ZMIZ1: variants seen among roughly 807,000 people sequenced by gnomAD.
ZMIZ1 encodes zinc finger MIZ domain-containing protein 1.
ZMIZ1 carries 17 observed loss-of-function variants against 113.9 expected under a neutral mutation model. That is an observed-to-expected ratio of 0.15 (90% CI 0.10 to 0.22). The LOEUF (loss-of-function observed/expected upper bound fraction) is 0.22. ZMIZ1 is among the 10% of genes least tolerant of loss of function. ZMIZ1 has a pLI of 1.00. For synonymous variants in ZMIZ1, 607 were observed against 603.1 expected, an observed-to-expected ratio of 1.01 and a Z score of -0.09; for missense variants, 1,059 against 1,477.8, an observed-to-expected ratio of 0.72 and a Z score of 4.65.
At chr10:79,139,246 C>T (rs1734334033) in intron 2 of ZMIZ1, among the ~76,000 whole-genome samples, 3 of 152,222 alleles carry the variant, frequency 2.0e-5, no homozygotes, top group South Asian at 2.1e-4. Flanking sequence ...GGCTGCCGGC[C>T]GGCCGTGTGA....
chr10:79,079,280 A>G (rs704012), intron 1 of ZMIZ1, among the ~76,000 whole-genome samples: 89,509 of 152,222 alleles, frequency 0.59, 26,437 homozygotes, highest in African/African-American at 0.6. Context: ...TGTTTCACCC[A>G]TGGGGGCTGT....
At chr10:79,105,318 A>G (rs1843516612) in intron 1 of ZMIZ1, among the ~76,000 whole-genome samples, 1 of 152,210 alleles carries the variant, frequency 6.6e-6, no homozygotes, top group South Asian at 2.1e-4. Context: ...GTGCTTAGGC[A>G]AGAGACCAGG....
At chr10:79,172,496 C>T (rs554507187) in intron 4 of ZMIZ1, among the ~76,000 whole-genome samples, 1 of 152,318 alleles carries the variant, frequency 6.6e-6, no homozygotes, top group South Asian at 2.1e-4. Flanking sequence ...ATCCCAGTGA[C>T]ACCCTATAAG....
chr10:79,234,412 C>T (rs545857633), intron 7 of ZMIZ1, among the ~76,000 whole-genome samples: 1 of 152,218 alleles, frequency 6.6e-6, no homozygotes, highest in South Asian at 2.1e-4. Context: ...CAGCACCTTT[C>T]CCAGGGAAAA....
chr10:79,215,653 TAA>T (rs1564530117), intron 6 of ZMIZ1, among the ~76,000 whole-genome samples: 1 of 152,078 alleles, frequency 6.6e-6, no homozygotes. Context: ...GGGCTGGGCC[TAA>T]GAGTCTGCAT....
rs889068782 is a variant in ZMIZ1 at position 79,169,489 on chromosome 10, T to C, written c.-50+7356T>C. Among the ~76,000 whole-genome samples the C allele has an allele frequency of 3.9e-5, 6 of 152,246 alleles. No homozygotes were observed. In the East Asian group the frequency reaches 7.7e-4, roughly 19 times the overall value. On this transcript the variant is annotated intron_variant, in intron 4 of 24. Transcript: ENST00000334512. Reference sequence around the variant, plus strand: ...GACTTCCTTGCATCCTGTAGCCAGCTTAGCCTGTCCACAGCCACAGCTCCA... The same window carrying C: ...GACTTCCTTGCATCCTGTAGCCAGCCTAGCCTGTCCACAGCCACAGCTCCA...
intron 5 of ZMIZ1, among the ~76,000 whole-genome samples, chr10:79,202,454 A>T (rs555012820): frequency 1.3e-5 from 2 of 150,682 alleles, no homozygotes; most frequent in African/African-American, 2.5e-5. Flanking sequence ...TTAAAAAAAG[A>T]AAAAAAAAGC....
intron 4 of ZMIZ1, among the ~76,000 whole-genome samples, chr10:79,168,166 CTT>C (rs879458852): frequency 1.3e-5 from 2 of 152,234 alleles, no homozygotes; most frequent in Non-Finnish European, 2.9e-5. Flanking sequence ...TGATCTACCT[CTT>C]GTTTGCCTCT....
At chr10:79,301,263 G>A (rs1046303585) in intron 17 of ZMIZ1, among the ~76,000 whole-genome samples, 1 of 152,026 alleles carries the variant, frequency 6.6e-6, no homozygotes, top group Non-Finnish European at 1.5e-5. Context: ...TCATTCATTG[G>A]TGCAGTTCTG....
intron 7 of ZMIZ1, among the ~76,000 whole-genome samples, chr10:79,276,299 C>T (rs1852283762): frequency 6.6e-6 from 1 of 152,236 alleles, no homozygotes; most frequent in Admixed American, 6.5e-5. Context: ...GAGGACAGGC[C>T]AGCTGAGACA....
intron 7 of ZMIZ1, among the ~76,000 whole-genome samples, chr10:79,245,580 A>C (rs1417334002): frequency 6.6e-6 from 1 of 152,138 alleles, no homozygotes; most frequent in Non-Finnish European, 1.5e-5. Context: ...GCATTGGTTG[A>C]GCACCCAGTC....
rs59204262 is a variant in ZMIZ1 at position 79,206,136 on chromosome 10, A to G, written c.61-2200A>G. ...AAAAAAAAAAGCCAGCAAAGGGGACACTTGATGTTTTCTTCAGCAATGAGG... is the reference window on the plus strand; with the variant it reads ...AAAAAAAAAAGCCAGCAAAGGGGACGCTTGATGTTTTCTTCAGCAATGAGG... On this transcript the variant is annotated intron_variant, in intron 5 of 24. Coordinates refer to ENST00000334512, the MANE Select transcript of ZMIZ1 (RefSeq NM_020338.4). Among the ~76,000 whole-genome samples the G allele has an allele frequency of 4.0e-3, 601 of 151,150 alleles. 7 individuals carry two copies. The highest frequency in any genetic ancestry group is 0.014 in the African/African-American group (570 of 41,244).
intron 4 of ZMIZ1, among the ~76,000 whole-genome samples, chr10:79,200,372 T>C (rs982370025): frequency 2.6e-5 from 4 of 152,228 alleles, no homozygotes; most frequent in Non-Finnish European, 4.4e-5. Context: ...TCCCCGCCTT[T>C]GCTGTGTGGC....
intron 2 of ZMIZ1, among the ~76,000 whole-genome samples, chr10:79,131,416 T>G (rs574487265): frequency 5.8e-4 from 88 of 152,314 alleles, no homozygotes; most frequent in Non-Finnish European, 1.0e-3. Context: ...CCCTCTTCTC[T>G]GAGCTGTCGT....
intron 7 of ZMIZ1, among the ~76,000 whole-genome samples, chr10:79,255,428 G>A (rs944160384): frequency 2.6e-5 from 4 of 152,228 alleles, no homozygotes; most frequent in Non-Finnish European, 5.9e-5. Context: ...GTAGGTAAGG[G>A]GGTTCCCCTA....
chr10:79,220,213 G>C (rs927278196), intron 7 of ZMIZ1, among the ~76,000 whole-genome samples: 16 of 152,184 alleles, frequency 1.1e-4, no homozygotes, highest in African/African-American at 3.6e-4. Context: ...AATCATGGGA[G>C]TGAGAAAGGG....
rs530280726 is a variant in ZMIZ1 at position 79,140,745 on chromosome 10, C to T, written c.-131+968C>T. Among the ~76,000 whole-genome samples, 13 of 152,278 alleles carry T rather than the reference C, an allele frequency of 8.5e-5. No homozygotes were observed. In the South Asian group the frequency reaches 2.5e-3, roughly 29 times the overall value. ...CTCATCAAATATTCATGGACTCTCA[C>T]ACCAGGCCAGGCCCGCATTAAGGGC... On this transcript the variant is annotated intron_variant, in intron 3 of 24. Coordinates refer to ENST00000334512, the MANE Select transcript of ZMIZ1 (RefSeq NM_020338.4).
intron 1 of ZMIZ1, among the ~76,000 whole-genome samples, chr10:79,108,196 C>A (rs1449596089): frequency 6.6e-6 from 1 of 152,170 alleles, no homozygotes; most frequent in East Asian, 1.9e-4. Context: ...AATCAGCATC[C>A]ACAGAGGAGC....
At chr10:79,206,360 G>GGCTCCT (rs1848318094) in intron 5 of ZMIZ1, among the ~76,000 whole-genome samples, 1 of 152,180 alleles carries the variant, frequency 6.6e-6, no homozygotes, top group Non-Finnish European at 1.5e-5. Context: ...AGCATGCAGT[G>GGCTCCT]GCTCCTGCCC....
Sources: allele counts gnomAD v4.1 joint callset (sites outside exome capture counted in the v4.1 genomes callset), GRCh38; gene constraint gnomAD v4.1.1; transcripts MANE v1.5; gene names NCBI Gene and HGNC (gene_info 2026-07-23, HGNC 2026-07-21).